The following TAFA2 variants were observed in gnomAD, a reference collection of about 807,000 sequenced individuals.
The protein encoded by TAFA2 is chemokine-like protein TAFA-2.
A neutral mutation model predicts 18.8 loss-of-function variants in TAFA2; 7 were observed. That is an observed-to-expected ratio of 0.37 (90% CI 0.21 to 0.70). The LOEUF is 0.70. Among genes scored for constraint, TAFA2 ranks in the 30% least tolerant of loss-of-function variants. The probability of loss-of-function intolerance (pLI) is 0.53; values close to 1 mark genes in which losing one functional copy is unlikely to be tolerated. For synonymous variants in TAFA2, 60 were observed against 54.2 expected, an observed-to-expected ratio of 1.11 and a Z score of -0.47; for missense variants, 122 against 158.1, an observed-to-expected ratio of 0.77 and a Z score of 1.23.
intron 1 of TAFA2, among the ~76,000 whole-genome samples, chr12:61,874,467 C>T (rs1357056005): frequency 6.6e-6 from 1 of 152,240 alleles, no homozygotes; most frequent in East Asian, 1.9e-4. Context: ...AAACACAAGC[C>T]TCATTTAAGA....
rs76349884 is a variant in TAFA2 at position 61,793,614 on chromosome 12, A to T, written c.107-38590T>A. ...TGAATTTTTAGTTAACAACCTTCCC[A>T]CTATGAGAATTCTAGGCCCAGTTGG... On this transcript the variant is annotated intron_variant, in intron 2 of 4. Coordinates refer to ENST00000416284, the MANE Select transcript of TAFA2 (RefSeq NM_178539.5). Among the ~76,000 whole-genome samples, 75 of 151,900 alleles carry T rather than the reference A, an allele frequency of 4.9e-4. 2 individuals carry two copies. The East Asian group carries it at 0.012, about 24-fold the overall frequency.
At chr12:61,827,146 C>G (rs962598065) in intron 2 of TAFA2, 2 of 152,054 alleles carry the variant, frequency 1.3e-5, no homozygotes, top group Admixed American at 6.6e-5. Flanking sequence ...TAAAAGGAAG[C>G]AGTTTACCTT....
rs1208801118 is a variant in TAFA2, at chr12:62,085,387, A to G, written c.-2+105872T>C. Among the ~76,000 whole-genome samples, 4 of 152,312 alleles carry G rather than the reference A, an allele frequency of 2.6e-5. No individual in the cohort carries two copies. The East Asian group carries it at 7.7e-4, about 29-fold the overall frequency. The stretch of plus-strand genomic sequence containing the variant: ...TCTAATTAACAATGCTTCTAGGAGT[A>G]TAACTTGTAGACCACGTGTTTACAA... On this transcript the variant is annotated intron_variant, in intron 1 of 4. Transcript: ENST00000416284.
intron 1 of TAFA2, among the ~76,000 whole-genome samples, chr12:61,977,004 A>G (rs1329065498): frequency 6.6e-6 from 1 of 152,068 alleles, no homozygotes; most frequent in Non-Finnish European, 1.5e-5. Context: ...GTGTCTTTGT[A>G]GTAGCATGAT....
At chr12:62,034,309 C>A (rs1402056384) in intron 1 of TAFA2, among the ~76,000 whole-genome samples, 1 of 152,076 alleles carries the variant, frequency 6.6e-6, no homozygotes, top group East Asian at 1.9e-4. Flanking sequence ...TACCGCCTGG[C>A]AGATAAACCA....
intron 1 of TAFA2, among the ~76,000 whole-genome samples, chr12:61,976,844 GA>G (rs1879454194): frequency 6.6e-6 from 1 of 152,018 alleles, no homozygotes; most frequent in South Asian, 2.1e-4. Flanking sequence ...CCCTGCAAAG[GA>G]CATGAACTCA....
intron 1 of TAFA2, among the ~76,000 whole-genome samples, chr12:61,909,505 G>A (rs1472775322): frequency 6.6e-6 from 1 of 152,162 alleles, no homozygotes; most frequent in Non-Finnish European, 1.5e-5. Flanking sequence ...ATCAATCTCT[G>A]TAGAGATGCC....
At chr12:62,239,805 C>T (rs573769957) in intron 1 of TAFA2, among the ~76,000 whole-genome samples, 1 of 152,266 alleles carries the variant, frequency 6.6e-6, no homozygotes, top group Non-Finnish European at 1.5e-5. Context: ...ATACACCACC[C>T]CATCTGATGC....
intron 4 of TAFA2, among the ~76,000 whole-genome samples, chr12:61,741,877 TTTG>T (rs2120703712): frequency 6.6e-6 from 1 of 151,862 alleles, no homozygotes; most frequent in South Asian, 2.1e-4. Flanking sequence ...TTAAACAGAG[TTTG>T]TTAATTCTGC....
intron 1 of TAFA2, among the ~76,000 whole-genome samples, chr12:61,927,832 A>C (rs1320119509): frequency 6.6e-6 from 1 of 152,192 alleles, no homozygotes; most frequent in African/African-American, 2.4e-5. Flanking sequence ...AATGAAACAG[A>C]ACAGAGGCCT....
chr12:62,053,663 G>A (rs1882113785), intron 1 of TAFA2, among the ~76,000 whole-genome samples: 1 of 152,312 alleles, frequency 6.6e-6, no homozygotes, highest in Non-Finnish European at 1.5e-5. Flanking sequence ...ATGTTGAAGA[G>A]GACTCTCTAC....
intron 2 of TAFA2, among the ~76,000 whole-genome samples, chr12:61,826,925 T>C (rs556174987): frequency 1.3e-5 from 2 of 152,054 alleles, no homozygotes; most frequent in Admixed American, 1.3e-4. Context: ...CAGAAAAAAA[T>C]TACACTGACA....
chr12:61,785,527 TG>T (rs977889768), intron 2 of TAFA2, among the ~76,000 whole-genome samples: 1 of 151,508 alleles, frequency 6.6e-6, no homozygotes, highest in East Asian at 2.0e-4. Flanking sequence ...ATGGAAGCAA[TG>T]GCCAGATTAT....
intron 2 of TAFA2, among the ~76,000 whole-genome samples, chr12:61,852,599 G>A (rs1178060181): frequency 2.6e-5 from 4 of 152,170 alleles, no homozygotes; most frequent in Non-Finnish European, 5.9e-5. Flanking sequence ...CATGTTTGGT[G>A]CCTGTCAAAT....
intron 1 of TAFA2, among the ~76,000 whole-genome samples, chr12:62,043,227 C>T (rs146912875): frequency 0.1 from 15,300 of 152,064 alleles, 984 homozygotes; most frequent in Non-Finnish European, 0.14. Context: ...TGTCCAACAA[C>T]GATAGACTAG....
chr12:62,027,103 C>G (rs996951254), intron 1 of TAFA2, among the ~76,000 whole-genome samples: 1 of 151,856 alleles, frequency 6.6e-6, no homozygotes, highest in African/African-American at 2.4e-5. Flanking sequence ...ATAACATCTG[C>G]CAGATATTTA....
intron 1 of TAFA2, among the ~76,000 whole-genome samples, chr12:62,216,803 C>A (rs1159349970): frequency 6.6e-6 from 1 of 152,154 alleles, no homozygotes; most frequent in Admixed American, 6.5e-5. Context: ...TTCAAAGATG[C>A]CCGAACTGGT....
At chr12:61,930,988 T>C (rs1394236483) in intron 1 of TAFA2, among the ~76,000 whole-genome samples, 2 of 152,188 alleles carry the variant, frequency 1.3e-5, no homozygotes, top group Non-Finnish European at 2.9e-5. Flanking sequence ...CTGGTGATAG[T>C]TGGTTTCATA....
intron 1 of TAFA2, chr12:61,879,937 G>A: frequency 1.1e-6 from 1 of 893,220 alleles, no homozygotes; most frequent in East Asian, 2.4e-5. Flanking sequence ...AAGCTTACAA[G>A]AACAAGGTAG....
Sources: gnomAD v4.1 joint callset for allele counts (sites outside exome capture counted in the v4.1 genomes callset) on GRCh38, gnomAD v4.1.1 for gene constraint, MANE v1.5 for transcripts, NCBI Gene and HGNC (gene_info 2026-07-23, HGNC 2026-07-21) for gene names.